SREBF1: variants seen among roughly 807,000 people sequenced by gnomAD.
SREBF1 encodes the protein sterol regulatory element binding transcription factor 1.
In SREBF1, 45 loss-of-function variants were observed where a neutral mutation model predicts 100.1. The ratio of observed to expected loss-of-function variants is 0.45; its 90% CI spans 0.35 to 0.58. SREBF1 has a LOEUF of 0.58. SREBF1 is among the 20% of genes least tolerant of loss of function. SREBF1 has a pLI of 0.00. For missense variants in SREBF1, 1,324 were observed against 1,539.4 expected (o/e 0.86, Z 2.34); for synonymous variants, 657 against 681.8 (o/e 0.96, Z 0.57).
chr17:17,826,866 C>T (rs539906018), intron 1 of SREBF1, among the ~76,000 whole-genome samples: 1 of 152,336 alleles, frequency 6.6e-6, no homozygotes, highest in East Asian at 1.9e-4. Context: ...AGCACAGAAG[C>T]CTACAACCCA....
In SREBF1 at chr17:17,814,750, G is replaced by T. The variant is rs1176823640; in HGVS notation, c.2603-3C>A. Reference sequence around the variant, plus strand: ...CCACTTGGCCACCGGGTCTACGCCTGCAGAAGAGGGAGGGTCCCCTGAACC... The same window carrying T: ...CCACTTGGCCACCGGGTCTACGCCTTCAGAAGAGGGAGGGTCCCCTGAACC... On this transcript the variant is annotated splice_polypyrimidine_tract_variant and splice_region_variant and intron_variant, in intron 14 of 18. Transcript: ENST00000261646. 1 of 1,611,410 alleles carries T rather than the reference G, an allele frequency of 6.2e-7. No homozygotes were observed.
intron 1 of SREBF1, among the ~76,000 whole-genome samples, chr17:17,821,071 G>A (rs1567977873): frequency 6.6e-6 from 1 of 152,148 alleles, no homozygotes; most frequent in Non-Finnish European, 1.5e-5. Flanking sequence ...CCTGTAGCTT[G>A]ATGTGGATGG....
At position 17,815,500 on chromosome 17, in the gene SREBF1, A is replaced by C. The variant is rs143589263; in HGVS notation, c.2384-171T>G. 193 of 615,452 alleles carry C rather than the reference A, an allele frequency of 3.1e-4. 2 individuals are homozygous for C. The East Asian group carries it at 4.9e-3, about 16-fold the overall frequency. The allele number at this position is 615,452 out of a possible 1,614,324, so 38.1% of individuals were successfully genotyped here. A position where few individuals can be genotyped will look rare whatever the true frequency, so the allele number is the denominator to read the frequency against. On this transcript the variant is annotated intron_variant, in intron 12 of 18. Transcript: ENST00000261646. Reference sequence around the variant, plus strand: ...CAGGGGAAAGCGGGTGGACATAACTATCACCAGCACCAGCCTTGGCCAGGA... The same window carrying C: ...CAGGGGAAAGCGGGTGGACATAACTCTCACCAGCACCAGCCTTGGCCAGGA...
Position 17,836,926 on chromosome 17 carries a change from G to A in SREBF1, c.-109C>T. On this transcript the variant is annotated 5_prime_UTR_variant, in exon 1 of 19. The change creates a new upstream start codon in the 5' untranslated region. Transcript: ENST00000261646. ...CTCAGTCGCCGCCGCCGCTCCGCGCGTTCGTGTCCTGCCCTGGCCTCAGAG... is the reference window on the plus strand; with the variant it reads ...CTCAGTCGCCGCCGCCGCTCCGCGCATTCGTGTCCTGCCCTGGCCTCAGAG... 9.5e-7 allele frequency: 1 copy of A among 1,050,848 alleles called. No individual in the cohort carries two copies. The highest frequency in any genetic ancestry group is 1.3e-6 in the Non-Finnish European group (1 of 772,866). The allele number at this position is 1,050,848 out of a possible 1,614,324, so 65.1% of individuals were successfully genotyped here.
chr17:17,829,140 C>T (rs2034670410), intron 1 of SREBF1, among the ~76,000 whole-genome samples: 1 of 146,950 alleles, frequency 6.8e-6, no homozygotes, highest in East Asian at 2.0e-4. Flanking sequence ...TTGCAGTGAG[C>T]CGAGATTGTA....
chr17:17,830,815 G>C lies in SREBF1; in HGVS notation c.91+5912C>G, dbSNP rs186383830. 1.5e-3 allele frequency among the ~76,000 whole-genome samples: 229 copies of C among 152,222 alleles called. 6 individuals carry two copies. The East Asian group carries it at 0.038, about 25-fold the overall frequency. On this transcript the variant is annotated intron_variant, in intron 1 of 18. Coordinates refer to ENST00000261646, the MANE Select transcript of SREBF1 (RefSeq NM_004176.5). Reference sequence around the variant, plus strand: ...TTAAGGCTTTCCCCACCTCACCCCCGACACACACAGCCGCCCCTGTGGAGC... The same window carrying C: ...TTAAGGCTTTCCCCACCTCACCCCCCACACACACAGCCGCCCCTGTGGAGC...
intron 13 of SREBF1, 23 bp downstream of exon 13, chr17:17,815,198 G>C: frequency 6.2e-7 from 1 of 1,602,886 alleles, no homozygotes; most frequent in East Asian, 2.2e-5. Flanking sequence ...GCCTTGCCTG[G>C]AGGAGGGCAC....
intron 6 of SREBF1, 118 bp downstream of exon 6, chr17:17,818,142 C>T (rs535365697): frequency 4.0e-5 from 15 of 370,658 alleles, no homozygotes; most frequent in African/African-American, 7.7e-5. Flanking sequence ...GTGAGGTGGG[C>T]AGGGCAGAGG....
Position 17,812,403 on chromosome 17 carries a change from T to A in SREBF1, c.*219A>T, listed in dbSNP as rs947339525. On this transcript the variant is annotated 3_prime_UTR_variant, in exon 19 of 19. Transcript: ENST00000261646. ...TGGCTCGGCCCCTGCAGTGCCCCGA[T>A]CGGCCACCAGAGGTCAGCACCATCA... 4 of 617,668 alleles carry A rather than the reference T, an allele frequency of 6.5e-6. No individual in the cohort carries two copies. The highest frequency in any genetic ancestry group is 1.1e-5 in the Non-Finnish European group (4 of 357,872). The allele number at this position is 617,668 out of a possible 1,614,324, so 38.3% of individuals were successfully genotyped here.
At chr17:17,818,749 A>G in intron 5 of SREBF1, 1 of 584,446 alleles carries the variant, frequency 1.7e-6, no homozygotes, top group Non-Finnish European at 3.1e-6. Context: ...CTCCCCCACC[A>G]GAAGGTCGGC....
chr17:17,831,801 T>C (rs1309268576), intron 1 of SREBF1, among the ~76,000 whole-genome samples: 1 of 152,130 alleles, frequency 6.6e-6, no homozygotes, highest in Non-Finnish European at 1.5e-5. Flanking sequence ...AGGGACACTA[T>C]AGCCAGGGCA....
Position 17,816,943 on chromosome 17 carries a change from G to T in SREBF1, c.1785+15C>A, listed in dbSNP as rs755338995. 3.7e-6 allele frequency: 6 copies of T among 1,612,668 alleles called. No homozygotes were observed. The highest frequency in any genetic ancestry group is 3.3e-5 in the South Asian group (3 of 91,088). ...GGTCCCTGCCCTGCCCACTCTGCCGGGGCCAGCCCCTTACCCGGGCCAGGT... is the reference window on the plus strand; with the variant it reads ...GGTCCCTGCCCTGCCCACTCTGCCGTGGCCAGCCCCTTACCCGGGCCAGGT... On this transcript the variant is annotated intron_variant, in intron 9 of 18. Transcript: ENST00000261646.
chr17:17,826,273 C>T (rs1294140291), intron 1 of SREBF1, among the ~76,000 whole-genome samples: 2 of 150,426 alleles, frequency 1.3e-5, no homozygotes, highest in African/African-American at 4.9e-5. Context: ...CATTACCATT[C>T]GACTGAGTCT....
Position 17,820,194 on chromosome 17 carries a change from A to G in SREBF1, c.419T>C (p.Leu140Pro). The change falls in exon 2 of 19, where the codon CTG (leucine) becomes CCG (proline). Residue 140 changes from leucine to proline, a missense_variant. Coordinates refer to ENST00000261646, the MANE Select transcript of SREBF1 (RefSeq NM_004176.5). ...GCTCTGTGGCAGGAGGGCCCCTGGC[A>G]GGGGCTGTGGGGTGGGGGTCTGCAG... ...SILQTPTPQP[L>P]PGALLPQSFP... 1 of 1,613,320 alleles carries G rather than the reference A, an allele frequency of 6.2e-7. No homozygotes were observed. Among genetic ancestry groups the G allele is most frequent in the Non-Finnish European group, 8.5e-7 (1 of 1,179,804 alleles).
At chr17:17,822,675 C>T (rs1180556637) in intron 1 of SREBF1, among the ~76,000 whole-genome samples, 1 of 152,248 alleles carries the variant, frequency 6.6e-6, no homozygotes, top group African/African-American at 2.4e-5. Context: ...CCAGCCCTGC[C>T]CACCACCAGC....
chr17:17,814,383 G>A lies in SREBF1; in HGVS notation c.2763C>T (p.His921=), dbSNP rs745466186. 3.5e-5 allele frequency: 54 copies of A among 1,562,302 alleles called. No individual in the cohort carries two copies. The Admixed American group carries it at 6.6e-4, about 19-fold the overall frequency. Residue 921 remains histidine, a synonymous_variant, in exon 16 of 19, where the codon CAC becomes CAT. Coordinates refer to ENST00000261646, the MANE Select transcript of SREBF1 (RefSeq NM_004176.5). The part of the protein sequence containing the change: ...SERPLPRAAL[H]SFKAARALLG... ...GCAGGGCCCGGGCAGCCTTGAAGGA[G>A]TGCAGAGCTGCCCTGGGCAGGGGTC...
Position 17,814,408 on chromosome 17 carries a change from C to G in SREBF1, c.2738G>C (p.Arg913Thr). ...GTGCAGAGCTGCCCTGGGCAGGGGT[C>G]TCCTGTTGGGACCAGGGCAGAAGAG... ...HLPRVLQESERPLPRAALHSF... is the reference protein window; with the variant it reads ...HLPRVLQESETPLPRAALHSF... Residue 913 changes from arginine to threonine, a missense_variant and splice_region_variant, in exon 16 of 19, where the codon AGA becomes ACA. Coordinates refer to ENST00000261646, the MANE Select transcript of SREBF1 (RefSeq NM_004176.5). The G allele has an allele frequency of 6.4e-7, 1 of 1,555,232 alleles. No homozygotes were observed. Among genetic ancestry groups the G allele is most frequent in the Non-Finnish European group, 8.7e-7 (1 of 1,149,640 alleles).
Position 17,817,867 on chromosome 17 carries a change from G to A in SREBF1, c.1233C>T (p.Asp411=), listed in dbSNP as rs147246061. ...VSACGSGGNT[D]VLMEGVKTEV... is the part of the protein sequence containing the mutation. Reference sequence around the variant, plus strand: ...CAGTCTTCACGCCCTCCATGAGCACGTCTGTGTTCCCTCCACTGCCACAGG... The same window carrying A: ...CAGTCTTCACGCCCTCCATGAGCACATCTGTGTTCCCTCCACTGCCACAGG... Residue 411 remains aspartate (D), a synonymous_variant, in exon 7 of 19, where the codon GAC becomes GAT. Transcript: ENST00000261646. The surrounding 1 kb of genome is among the most constrained non-coding windows in gnomAD (Gnocchi z 6.6). The A allele has an allele frequency of 7.6e-4, 1,216 of 1,605,114 alleles. No homozygotes were observed. The highest frequency in any genetic ancestry group is 9.4e-4 in the Non-Finnish European group (1,114 of 1,179,966).
Position 17,813,608 on chromosome 17 carries a change from C to T in SREBF1, c.3063G>A (p.Leu1021=). 1 of 1,588,934 alleles carries T rather than the reference C, an allele frequency of 6.3e-7. No individual in the cohort carries two copies. Among genetic ancestry groups the T allele is most frequent in the African/African-American group, 1.3e-5 (1 of 74,644 alleles). ...GCCGGAAGCTCTGTGCCAGCCGCCT[C>T]AGGCTGCTCAGGTCCCGTTGGAAGC... is the stretch of plus-strand genomic sequence containing the variant. ...LRGFQRDLSS[L]RRLAQSFRPA... is the part of the protein sequence containing the mutation. The change falls in exon 17 of 19, where the codon CTG becomes CTA. Residue 1021 remains leucine, a synonymous_variant. Coordinates refer to ENST00000261646, the MANE Select transcript of SREBF1 (RefSeq NM_004176.5).
Sources: gnomAD v4.1 joint callset for allele counts (sites outside exome capture counted in the v4.1 genomes callset) on GRCh38, gnomAD v4.1.1 for gene constraint, Gnocchi (gnomAD v3.1) non-coding constraint, MANE v1.5 for transcripts, NCBI Gene and HGNC (gene_info 2026-07-23, HGNC 2026-07-21) for gene names.